CCT3: variants seen among roughly 807,000 people sequenced by gnomAD.
CCT3 encodes the protein chaperonin containing TCP1 subunit 3.
Under a neutral mutation model 65.3 loss-of-function variants are expected in CCT3, and 10 were observed. The observed-to-expected ratio is 0.15, with a 90% CI of 0.09 to 0.26. The LOEUF (loss-of-function observed/expected upper bound fraction) is 0.26, where lower values mean the gene tolerates loss of function less well. Ranked by LOEUF, CCT3 falls within the 10% of genes least tolerant of loss-of-function variation. The pLI is 1.00. For synonymous variants in CCT3, 225 were observed against 242.3 expected (o/e 0.93, Z 0.66); for missense variants, 626 against 708.7 (o/e 0.88, Z 1.33).
intron 10 of CCT3, among the ~76,000 whole-genome samples, chr1:156,314,082 T>G (rs941500376): frequency 1.4e-5 from 1 of 69,706 alleles, no homozygotes; most frequent in Non-Finnish European, 2.6e-5. Context: ...CGAGACTCTG[T>G]CTCCAAAAAA....
chr1:156,314,722 T>A (rs932787815), intron 10 of CCT3, among the ~76,000 whole-genome samples: 6 of 151,198 alleles, frequency 4.0e-5, no homozygotes, highest in African/African-American at 1.5e-4. Context: ...CTCAAAAAAA[T>A]AAAAAATAAA....
At chr1:156,329,378 T>A (rs1225374482) in intron 5 of CCT3, among the ~76,000 whole-genome samples, 2 of 146,120 alleles carry the variant, frequency 1.4e-5, no homozygotes, top group Non-Finnish European at 3.0e-5. Context: ...TGATCTGGGC[T>A]CACTGCAACC....
At chr1:156,321,108 T>C (rs1309558913) in intron 6 of CCT3, 83 bp from the exon 7 acceptor site, 15 of 1,103,312 alleles carry the variant, frequency 1.4e-5, no homozygotes, top group Non-Finnish European at 2.0e-5. Flanking sequence ...TCAGTGACTA[T>C]AATAATGGAC....
At chr1:156,317,271 T>A (rs1262398815) in intron 9 of CCT3, 24 bp from the exon 10 acceptor site, 1 of 1,611,274 alleles carries the variant, frequency 6.2e-7, no homozygotes, top group African/African-American at 1.3e-5. Context: ...AGTAGAGATG[T>A]CAAGCTGGGT....
chr1:156,313,986 G>A (rs1558264830), intron 10 of CCT3, among the ~76,000 whole-genome samples: 2 of 151,750 alleles, frequency 1.3e-5, no homozygotes, highest in African/African-American at 4.8e-5. Context: ...TACTCGGGAG[G>A]CTGAGGCAGG....
chr1:156,321,154 G>A (rs1038396088), intron 6 of CCT3, 129 bp from the exon 7 acceptor site: 2 of 705,308 alleles, frequency 2.8e-6, no homozygotes, highest in South Asian at 2.1e-5. Context: ...TCCTTTGGAG[G>A]AAACTAAAAG....
At chr1:156,328,343 T>C (rs1272596509) in intron 5 of CCT3, among the ~76,000 whole-genome samples, 2 of 151,910 alleles carry the variant, frequency 1.3e-5, no homozygotes, top group Non-Finnish European at 2.9e-5. Context: ...GCCACGACCC[T>C]GTCTGGGAGG....
intron 13 of CCT3, among the ~76,000 whole-genome samples, chr1:156,310,012 T>G (rs1280438448): frequency 8.6e-6 from 1 of 116,622 alleles, no homozygotes. Flanking sequence ...CACTCCAGCC[T>G]GGGCAACGGA....
chr1:156,324,193 G>A (rs12044545), intron 6 of CCT3, among the ~76,000 whole-genome samples: 34,973 of 151,172 alleles, frequency 0.23, 4,641 homozygotes, highest in Non-Finnish European at 0.29. Flanking sequence ...TCAGCCTCCT[G>A]AATAGCTGGG....
At chr1:156,338,038 G>T in intron 1 of CCT3, 116 bp downstream of exon 1, 4 of 1,141,384 alleles carry the variant, frequency 3.5e-6, no homozygotes, top group Non-Finnish European at 3.9e-6. Context: ...AAATGAAGAC[G>T]ATGATTGGAA....
At chr1:156,335,689 G>A (rs1464355232) in intron 2 of CCT3, 138 bp downstream of exon 2, 1 of 627,208 alleles carries the variant, frequency 1.6e-6, no homozygotes, top group Non-Finnish European at 2.8e-6. Context: ...TCAGGAAAAT[G>A]TTCTGAAAGA....
intron 5 of CCT3, among the ~76,000 whole-genome samples, chr1:156,327,300 C>G (rs1570929938): frequency 1.3e-5 from 2 of 151,402 alleles, no homozygotes; most frequent in African/African-American, 4.8e-5. Context: ...TCTCCACGGT[C>G]TCCCTCTCCC....
chr1:156,320,769 A>AT (rs1221818460), intron 7 of CCT3, 70 bp downstream of exon 7: 1 of 1,107,668 alleles, frequency 9.0e-7, no homozygotes, highest in East Asian at 2.4e-5. Context: ...AAAACAGACT[A>AT]TTTCCTCACA....
In CCT3 at chr1:156,311,892, T is replaced by G. The variant is rs201643147; in HGVS notation, c.1155+149A>C. ...TTTTTAAAATTTTAAATTATTTAATTAAAAAAAGGAAGCAGAAAAGGAATT... is the reference window on the plus strand; with the variant it reads ...TTTTTAAAATTTTAAATTATTTAATGAAAAAAAGGAAGCAGAAAAGGAATT... On this transcript the variant is annotated intron_variant, in intron 11 of 13. Transcript: ENST00000295688. 1.0e-5 allele frequency: 5 copies of G among 477,980 alleles called. No individual in the cohort carries two copies. In the East Asian group the frequency reaches 1.7e-4, roughly 17 times the overall value. The allele number at this position is 477,980 out of a possible 1,614,324, so 29.6% of individuals were successfully genotyped here.
chr1:156,320,620 C>T (rs1664508566), intron 7 of CCT3, among the ~76,000 whole-genome samples: 1 of 152,100 alleles, frequency 6.6e-6, no homozygotes, highest in Admixed American at 6.6e-5. Flanking sequence ...GTGGCATGTG[C>T]CTGTAGTCCT....
intron 10 of CCT3, among the ~76,000 whole-genome samples, chr1:156,316,264 T>C (rs191344919): frequency 1.3e-4 from 20 of 152,246 alleles, no homozygotes; most frequent in African/African-American, 4.3e-4. Flanking sequence ...AGGATGTGTA[T>C]AGGTTATACA....
rs1457958538 is a variant in CCT3, at chr1:156,327,738, C to T, written c.305-2649G>A. ...GTCTGGGAAGTGAGGAGCGTCTCTGCCTGGCCGCCCATCGTCTGGGATGTG... is the reference window on the plus strand; with the variant it reads ...GTCTGGGAAGTGAGGAGCGTCTCTGTCTGGCCGCCCATCGTCTGGGATGTG... On this transcript the variant is annotated intron_variant, in intron 5 of 13. Coordinates refer to ENST00000295688, the MANE Select transcript of CCT3 (RefSeq NM_005998.5). 4.6e-5 allele frequency among the ~76,000 whole-genome samples: 7 copies of T among 151,492 alleles called. No homozygotes were observed. The East Asian group carries it at 1.4e-3, about 30-fold the overall frequency.
At chr1:156,328,567 G>A (rs1437369707) in intron 5 of CCT3, among the ~76,000 whole-genome samples, 2 of 151,862 alleles carry the variant, frequency 1.3e-5, no homozygotes, top group African/African-American at 4.8e-5. Context: ...CCCCAACCCT[G>A]TGCTCTCTGA....
rs114212851 is a variant in CCT3, at chr1:156,316,447, T to C, written c.974+719A>G. On this transcript the variant is annotated intron_variant, in intron 10 of 13. Coordinates refer to ENST00000295688, the MANE Select transcript of CCT3 (RefSeq NM_005998.5). ...TGTCACTCCCTCCAACTCATGGCCA[T>C]GTGAAGTCAACTATGTGTATGCATG... 5.8e-3 allele frequency among the ~76,000 whole-genome samples: 891 copies of C among 152,320 alleles called. 9 individuals are homozygous for C. The highest frequency in any genetic ancestry group is 0.021 in the African/African-American group (853 of 41,580).
Sources: allele counts gnomAD v4.1 joint callset (sites outside exome capture counted in the v4.1 genomes callset), GRCh38; gene constraint gnomAD v4.1.1; transcripts MANE v1.5; gene names NCBI Gene and HGNC (gene_info 2026-07-23, HGNC 2026-07-21).